Variants in INPP4B observed in about 807,000 individuals in gnomAD.
INPP4B encodes the protein inositol polyphosphate 4-phosphatase type II.
A neutral mutation model predicts 122.5 loss-of-function variants in INPP4B; 55 were observed. That is an observed-to-expected ratio of 0.45 (90% CI 0.36 to 0.56). INPP4B has a LOEUF of 0.56. INPP4B is among the 20% of genes least tolerant of loss of function. The probability of loss-of-function intolerance (pLI) is 0.00; values close to 1 mark genes in which losing one functional copy is unlikely to be tolerated. For synonymous variants in INPP4B, 403 were observed against 388.7 expected (o/e 1.04, Z -0.43); for missense variants, 1,000 against 1,097.7 (o/e 0.91, Z 1.26).
At chr4:142,094,294 A>G (rs1331136653) in intron 23 of INPP4B, among the ~76,000 whole-genome samples, 1 of 152,156 alleles carries the variant, frequency 6.6e-6, no homozygotes, top group African/African-American at 2.4e-5. Context: ...AACTGGGTGA[A>G]CAACTACTTT....
rs75050975 is a variant in INPP4B, at chr4:142,211,949, A to G, written c.837-2923T>C. ...ACCTTGAGAGAGGCTGATATAGTTA[A>G]TGGTGTTAAGAGATAAGGTGACAGT... On this transcript the variant is annotated intron_variant, in intron 12 of 25. Transcript: ENST00000262992. Among the ~76,000 whole-genome samples, 15 of 152,214 alleles carry G rather than the reference A, an allele frequency of 9.9e-5. No individual in the cohort carries two copies. In the East Asian group the frequency reaches 2.9e-3, roughly 30 times the overall value.
intron 2 of INPP4B, among the ~76,000 whole-genome samples, chr4:142,706,736 T>A (rs1437824986): frequency 6.6e-6 from 1 of 152,228 alleles, no homozygotes; most frequent in African/African-American, 2.4e-5. Flanking sequence ...GCCTCACAAA[T>A]GAGTGATATG....
intron 7 of INPP4B, among the ~76,000 whole-genome samples, chr4:142,375,237 C>T (rs1156385807): frequency 2.0e-5 from 3 of 151,770 alleles, no homozygotes. Flanking sequence ...AAAATTCTTC[C>T]ATAATTTGTT....
intron 1 of INPP4B, among the ~76,000 whole-genome samples, chr4:142,741,769 A>G (rs1357196221): frequency 6.6e-6 from 1 of 151,966 alleles, no homozygotes; most frequent in Non-Finnish European, 1.5e-5. Context: ...AAGGTGGAAA[A>G]GAAAATAGGA....
intron 25 of INPP4B, among the ~76,000 whole-genome samples, chr4:142,051,872 T>C (rs1160614623): frequency 6.6e-6 from 1 of 151,994 alleles, no homozygotes; most frequent in Non-Finnish European, 1.5e-5. Flanking sequence ...AATGTTTCAG[T>C]TTCTTTTCAC....
chr4:142,445,061 G>A (rs907184321), intron 3 of INPP4B, among the ~76,000 whole-genome samples: 1 of 152,084 alleles, frequency 6.6e-6, no homozygotes, highest in Non-Finnish European at 1.5e-5. Context: ...AATAGCTAAT[G>A]CATATGGGGC....
chr4:142,465,792 T>C (rs892152206), intron 2 of INPP4B, among the ~76,000 whole-genome samples: 2 of 152,172 alleles, frequency 1.3e-5, no homozygotes, highest in Non-Finnish European at 2.9e-5. Flanking sequence ...AAGTGAGTTC[T>C]TGCTCCAAGT....
chr4:142,204,634 T>C (rs748171110), intron 14 of INPP4B, among the ~76,000 whole-genome samples: 1 of 152,084 alleles, frequency 6.6e-6, no homozygotes, highest in Non-Finnish European at 1.5e-5. Flanking sequence ...GCCATTAGGA[T>C]GGATCTTAAT....
chr4:142,664,576 A>G (rs1448508694), intron 2 of INPP4B, among the ~76,000 whole-genome samples: 1 of 152,160 alleles, frequency 6.6e-6, no homozygotes, highest in Non-Finnish European at 1.5e-5. Context: ...AATAACAAAT[A>G]CTGAAGACTA....
chr4:142,210,080 T>C (rs1278991369), intron 12 of INPP4B, among the ~76,000 whole-genome samples: 1 of 152,206 alleles, frequency 6.6e-6, no homozygotes, highest in Non-Finnish European at 1.5e-5. Flanking sequence ...AGATCTCTTA[T>C]TCATTTCTGT....
At chr4:142,489,449 A>G (rs1220084431) in intron 2 of INPP4B, among the ~76,000 whole-genome samples, 2 of 152,174 alleles carry the variant, frequency 1.3e-5, no homozygotes, top group African/African-American at 4.8e-5. Flanking sequence ...GCTGGAGTGC[A>G]GTGGCACAAT....
intron 2 of INPP4B, among the ~76,000 whole-genome samples, chr4:142,670,781 TAA>T (rs893172994): frequency 6.6e-6 from 1 of 152,132 alleles, no homozygotes; most frequent in Non-Finnish European, 1.5e-5. Context: ...TAAAAAATGC[TAA>T]GAGAGTAGAT....
chr4:142,779,420 A>G (rs1373900105), intron 1 of INPP4B, among the ~76,000 whole-genome samples: 1 of 152,148 alleles, frequency 6.6e-6, no homozygotes, highest in Non-Finnish European at 1.5e-5. Flanking sequence ...AACATTTAAA[A>G]CCATCAAGAG....
chr4:142,169,525 T>C (rs971487805), intron 16 of INPP4B, among the ~76,000 whole-genome samples: 53 of 151,726 alleles, frequency 3.5e-4, no homozygotes, highest in African/African-American at 1.2e-3. Flanking sequence ...ATTGCTATTA[T>C]AGAAAACAAC....
At chr4:142,134,127 T>C (rs1252094683) in intron 18 of INPP4B, among the ~76,000 whole-genome samples, 2 of 152,328 alleles carry the variant, frequency 1.3e-5, no homozygotes, top group African/African-American at 4.8e-5. Context: ...GCCTAGCACA[T>C]AGTAGATAAT....
chr4:142,435,204 G>T (rs1446815078), intron 3 of INPP4B, among the ~76,000 whole-genome samples: 2 of 152,128 alleles, frequency 1.3e-5, no homozygotes, highest in Non-Finnish European at 2.9e-5. Context: ...TTAGCATAAA[G>T]ATACTTAAAC....
At chr4:142,066,919 G>A (rs201391457) in intron 25 of INPP4B, among the ~76,000 whole-genome samples, 2 of 152,154 alleles carry the variant, frequency 1.3e-5, no homozygotes, top group African/African-American at 2.4e-5. Flanking sequence ...GAACAAAAGG[G>A]AGCAGAAACT....
At position 142,832,157 on chromosome 4, in the gene INPP4B, C is replaced by T. The variant is rs559633418; in HGVS notation, c.-254+14052G>A. 2.6e-5 allele frequency among the ~76,000 whole-genome samples: 4 copies of T among 152,130 alleles called. No homozygotes were observed. In the South Asian group the frequency reaches 8.3e-4, roughly 32 times the overall value. ...TTTATTTCTGCTTATGTGGAATGTG[C>T]CGAGTAGATAATTCAGTGATGAGTA... On this transcript the variant is annotated intron_variant, in intron 1 of 25. Transcript: ENST00000262992.
intron 18 of INPP4B, among the ~76,000 whole-genome samples, chr4:142,129,905 T>C (rs1288435572): frequency 6.6e-6 from 1 of 152,204 alleles, no homozygotes; most frequent in African/African-American, 2.4e-5. Flanking sequence ...GTGTCTTCTA[T>C]GTGAGGTGCT....
Sources: allele counts gnomAD v4.1 joint callset (sites outside exome capture counted in the v4.1 genomes callset), GRCh38; gene constraint gnomAD v4.1.1; transcripts MANE v1.5; gene names NCBI Gene and HGNC (gene_info 2026-07-23, HGNC 2026-07-21).